Variants in SLC6A9 observed in about 807,000 individuals in gnomAD.
The protein encoded by SLC6A9 is sodium- and chloride-dependent glycine transporter 1.
Under a neutral mutation model 70.9 loss-of-function variants are expected in SLC6A9, and 31 were observed. The observed-to-expected ratio is 0.44, with a 90% CI of 0.33 to 0.59. The LOEUF is 0.59. SLC6A9 is among the 20% of genes least tolerant of loss of function. The pLI, the probability that SLC6A9 is intolerant of heterozygous loss-of-function variation, is 0.04. For missense variants in SLC6A9, 631 were observed against 845.2 expected, an observed-to-expected ratio of 0.75 and a Z score of 3.14; for synonymous variants, 310 against 341.3, an observed-to-expected ratio of 0.91 and a Z score of 1.01.
Position 44,001,543 on chromosome 1 carries a change from G to A in SLC6A9, c.1047C>T (p.Ala349=), listed in dbSNP as rs201128096. Residue 349 remains alanine, a synonymous_variant, in exon 9 of 14, where the codon GCC becomes GCT. Transcript: ENST00000372310. ...GGGACACATCCACGCCCAGGTGATT[G>A]GCCATGAAGCCGAGGATGGAGAAGA... ...FVIFSILGFM[A]NHLGVDVSRV... is the part of the protein sequence containing the mutation. 3 of 1,614,256 alleles carry A rather than the reference G, an allele frequency of 1.9e-6. No individual in the cohort carries two copies. Among genetic ancestry groups the A allele is most frequent in the Non-Finnish European group, 1.7e-6 (2 of 1,180,048 alleles).
chr1:44,016,960 C>T, intron 2 of SLC6A9: 1 of 1,359,874 alleles, frequency 7.4e-7, no homozygotes, highest in South Asian at 1.5e-5. Flanking sequence ...TGGCACAGAC[C>T]ACTCAGCCCC....
At position 44,002,471 on chromosome 1, in the gene SLC6A9, G is replaced by A. The variant is rs199566351; in HGVS notation, c.858+41C>T. 15 of 1,613,310 alleles carry A rather than the reference G, an allele frequency of 9.3e-6. No individual in the cohort carries two copies. Among genetic ancestry groups the A allele is most frequent in the Non-Finnish European group, 1.2e-5 (14 of 1,179,434 alleles). Reference sequence around the variant, plus strand: ...TGTGGGCAGAGGCAGGCACCTCCCTGGCCCCTCCCCAGCCCCCTTCCGGTT... The same window carrying A: ...TGTGGGCAGAGGCAGGCACCTCCCTAGCCCCTCCCCAGCCCCCTTCCGGTT... On this transcript the variant is annotated intron_variant, in intron 7 of 13. Transcript: ENST00000372310. The surrounding 1 kb of genome is among the most constrained non-coding windows in gnomAD (Gnocchi z 5.5).
chr1:44,027,703 TG>T lies in SLC6A9; in HGVS notation c.-85-3342del, dbSNP rs201707858. 1.8e-4 allele frequency among the ~76,000 whole-genome samples: 27 copies of T among 152,012 alleles called. 1 individual carries two copies. The East Asian group carries it at 4.6e-3, about 26-fold the overall frequency. Reference sequence around the variant, plus strand: ...AAGAATTACAAACTGAGACCAGGAGTGGTGGCTCACGCCTGTAATCCTAGCA... The same window carrying T: ...AAGAATTACAAACTGAGACCAGGAGTGTGGCTCACGCCTGTAATCCTAGCA... On this transcript the variant is annotated intron_variant, in intron 1 of 13. Coordinates refer to ENST00000372310, the MANE Select transcript of SLC6A9 (RefSeq NM_001024845.3).
At chr1:44,011,495 T>TA (rs1271162550) in intron 2 of SLC6A9, 7 of 1,388,704 alleles carry the variant, frequency 5.0e-6, no homozygotes, top group Middle Eastern at 2.1e-4. Flanking sequence ...TCTGGGACTC[T>TA]AGGTGGGAGG....
intron 2 of SLC6A9, among the ~76,000 whole-genome samples, chr1:44,011,266 A>G (rs2086557229): frequency 6.6e-6 from 1 of 152,170 alleles, no homozygotes; most frequent in Non-Finnish European, 1.5e-5. Context: ...CCAAGCAGCC[A>G]AGTCAGGCTG....
At chr1:44,027,645 A>G (rs2154307774) in intron 1 of SLC6A9, among the ~76,000 whole-genome samples, 1 of 152,332 alleles carries the variant, frequency 6.6e-6, no homozygotes, top group East Asian at 1.9e-4. Flanking sequence ...TTACAGACTA[A>G]GGGGCAAGAG....
At chr1:44,028,799 GA>G (rs2087033266) in intron 1 of SLC6A9, among the ~76,000 whole-genome samples, 1 of 142,656 alleles carries the variant, frequency 7.0e-6, no homozygotes, top group African/African-American at 3.1e-5. Flanking sequence ...GAGAAAGAAA[GA>G]AAGGAAGGAA....
At chr1:44,006,276 A>C (rs547430826) in intron 5 of SLC6A9, among the ~76,000 whole-genome samples, 1 of 152,022 alleles carries the variant, frequency 6.6e-6, no homozygotes, top group South Asian at 2.1e-4. Flanking sequence ...TGAGAACAGT[A>C]CCTGGTACCT....
In SLC6A9 at chr1:44,024,351, A is replaced by G. The variant is rs1350570723; in HGVS notation, c.-74T>C. On this transcript the variant is annotated 5_prime_UTR_variant, in exon 2 of 14. Coordinates refer to ENST00000372310, the MANE Select transcript of SLC6A9 (RefSeq NM_001024845.3). ...CTGCTTCCAGCGCCTTTCAGGCCACAGATCTCAAGAGCTGTGGAGAGAGCA... is the reference window on the plus strand; with the variant it reads ...CTGCTTCCAGCGCCTTTCAGGCCACGGATCTCAAGAGCTGTGGAGAGAGCA... 2.6e-6 allele frequency: 4 copies of G among 1,562,684 alleles called. No individual in the cohort carries two copies. In the East Asian group the frequency reaches 6.7e-5, roughly 26 times the overall value.
At position 44,022,722 on chromosome 1, in the gene SLC6A9, C is replaced by CTTTTTTTTTTTTT. The variant is rs71307650; in HGVS notation, c.30+1513_30+1525dup. Among the ~76,000 whole-genome samples, 51 of 118,954 alleles carry CTTTTTTTTTTTTT rather than the reference C, an allele frequency of 4.3e-4. 1 individual carries two copies. The highest frequency in any genetic ancestry group is 6.4e-4 in the Non-Finnish European group (39 of 60,472). 78.0% of individuals were successfully genotyped at this position (118,954 alleles called of 152,430 possible). A position where few individuals can be genotyped will look rare whatever the true frequency, so the allele number is the denominator to read the frequency against. On this transcript the variant is annotated intron_variant, in intron 2 of 13. Coordinates refer to ENST00000372310, the MANE Select transcript of SLC6A9 (RefSeq NM_001024845.3). ...TTTTTCTTTCTTTCTTTCTTTCTTT[C>CTTTTTTTTTTTTT]TTTTTTTTTTTTTTGAGACAGAGCC...
chr1:44,019,780 G>A (rs1309819994), intron 2 of SLC6A9, among the ~76,000 whole-genome samples: 1 of 152,274 alleles, frequency 6.6e-6, no homozygotes, highest in Non-Finnish European at 1.5e-5. Context: ...TGCCTAATAA[G>A]AGTGGGCATG....
rs1332322144 is a variant in SLC6A9, at chr1:44,013,718, G to A, written c.31-2836C>T. ...GGCTGGGGAGGGCTGAGCTCTCAGCGGACGACAGAGCAGGCCTACCTTTCT... is the reference window on the plus strand; with the variant it reads ...GGCTGGGGAGGGCTGAGCTCTCAGCAGACGACAGAGCAGGCCTACCTTTCT... On this transcript the variant is annotated intron_variant, in intron 2 of 13. Transcript: ENST00000372310. This position sits in a 1 kb window ranked among gnomAD's most constrained non-coding sequence, Gnocchi z 5.3. Among the ~76,000 whole-genome samples, 1 of 152,066 alleles carries A rather than the reference G, an allele frequency of 6.6e-6. No individual in the cohort carries two copies. Among genetic ancestry groups the A allele is most frequent in the Non-Finnish European group, 1.5e-5 (1 of 68,016 alleles).
At chr1:44,010,456 C>CGGGGGGGGGGGGG (rs61601279) in intron 3 of SLC6A9, 17 of 54,816 alleles carry the variant, frequency 3.1e-4, no homozygotes, top group Admixed American at 7.8e-4. Context: ...GCCTTGTGGG[C>CGGGGGGGGGGGGG]GGGGGGGGGG....
intron 1 of SLC6A9, chr1:44,030,495 T>C (rs1571927865): frequency 1.3e-5 from 2 of 150,442 alleles, no homozygotes; most frequent in African/African-American, 4.9e-5. Context: ...GGGGGTGGGC[T>C]CTCCAGGGCT....
At chr1:44,031,001 AC>A (rs2087104939) in intron 1 of SLC6A9, among the ~76,000 whole-genome samples, 1 of 78,134 alleles carries the variant, frequency 1.3e-5, no homozygotes, top group East Asian at 4.9e-4. Context: ...CCCCCCCGCC[AC>A]CCCACGCAGG....
intron 1 of SLC6A9, among the ~76,000 whole-genome samples, chr1:44,026,251 C>T (rs989991962): frequency 1.3e-5 from 2 of 152,240 alleles, no homozygotes; most frequent in Non-Finnish European, 2.9e-5. Flanking sequence ...TCTCTCACCC[C>T]TGTGCCTCCC....
chr1:43,999,116 T>C (rs569382380), intron 12 of SLC6A9, among the ~76,000 whole-genome samples: 1 of 152,150 alleles, frequency 6.6e-6, no homozygotes, highest in African/African-American at 2.4e-5. Context: ...TGGGAGCTTA[T>C]AACAGGTTTC....
chr1:44,022,973 T>G (rs2086915486), intron 2 of SLC6A9, among the ~76,000 whole-genome samples: 1 of 152,186 alleles, frequency 6.6e-6, no homozygotes, highest in South Asian at 2.1e-4. Context: ...CCCAAAGTGC[T>G]GGGATTACAG....
intron 8 of SLC6A9, among the ~76,000 whole-genome samples, chr1:44,001,940 T>C (rs964497856): frequency 8.5e-5 from 13 of 152,168 alleles, no homozygotes; most frequent in African/African-American, 2.9e-4. Flanking sequence ...CTCACTATGC[T>C]GCCCAGGCTT....
Sources: gnomAD v4.1 joint callset for allele counts (sites outside exome capture counted in the v4.1 genomes callset) on GRCh38, gnomAD v4.1.1 for gene constraint, Gnocchi (gnomAD v3.1) non-coding constraint, MANE v1.5 for transcripts, NCBI Gene and HGNC (gene_info 2026-07-23, HGNC 2026-07-21) for gene names.